CD109: variants seen among roughly 807,000 people sequenced by gnomAD.
CD109 encodes CD109 antigen.
Under a neutral mutation model 165.8 loss-of-function variants are expected in CD109, and 149 were observed. That is an observed-to-expected ratio of 0.90 (90% CI 0.79 to 1.03). The LOEUF (loss-of-function observed/expected upper bound fraction) is 1.03, where lower values mean the gene tolerates loss of function less well. CD109 is among the 50% of genes least tolerant of loss of function. CD109 has a pLI of 0.00. For missense variants in CD109, 1,712 were observed against 1,677.8 expected (o/e 1.02, Z -0.36); for synonymous variants, 585 against 592.1 (o/e 0.99, Z 0.18).
At chr6:73,773,955 C>A (rs1366196438) in intron 15 of CD109, among the ~76,000 whole-genome samples, 1 of 151,974 alleles carries the variant, frequency 6.6e-6, no homozygotes, top group Non-Finnish European at 1.5e-5. Flanking sequence ...CTGTGTTTCT[C>A]TGGGAGAGTT....
intron 5 of CD109, among the ~76,000 whole-genome samples, chr6:73,754,211 A>G (rs1467511212): frequency 1.3e-5 from 2 of 152,224 alleles, no homozygotes; most frequent in African/African-American, 2.4e-5. Context: ...TCAATCTGGG[A>G]TAGAGATAAG....
intron 20 of CD109, among the ~76,000 whole-genome samples, chr6:73,786,964 G>A (rs775036547): frequency 1.3e-5 from 2 of 152,188 alleles, no homozygotes; most frequent in Non-Finnish European, 2.9e-5. Flanking sequence ...AATGGCTTCA[G>A]ATAGTGAGAG....
the CD109 span, among the ~76,000 whole-genome samples, chr6:73,680,422 C>T: frequency 3.9e-5 from 6 of 152,032 alleles, no homozygotes; most frequent in South Asian, 2.1e-4. Flanking sequence ...AGAAATTGCC[C>T]CTAAGCCAAG....
chr6:73,771,589 T>C lies in CD109; in HGVS notation c.1827+8T>C, dbSNP rs1423548814. The C allele has an allele frequency of 1.3e-6, 2 of 1,529,442 alleles. No individual in the cohort carries two copies. The highest frequency in any genetic ancestry group is 2.2e-5 in the Admixed American group (1 of 45,516). The allele number at this position is 1,529,442 out of a possible 1,614,324, so 94.7% of individuals were successfully genotyped here. ...GATATTACAATGGAAAATGTGAGTT[T>C]AGCTATTTTTTCATTATGAAAATAT... On this transcript the variant is annotated splice_region_variant and intron_variant, in intron 15 of 32. Coordinates refer to ENST00000287097, the MANE Select transcript of CD109 (RefSeq NM_133493.5).
intron 23 of CD109, among the ~76,000 whole-genome samples, chr6:73,795,956 A>G (rs765891849): frequency 6.6e-6 from 1 of 152,200 alleles, no homozygotes; most frequent in Non-Finnish European, 1.5e-5. Context: ...GTAAGTGCAC[A>G]ACAAATATCA....
Position 73,792,774 on chromosome 6 carries a change from A to G in CD109, c.2850A>G (p.Lys950=), listed in dbSNP as rs756956176. 6 of 1,610,456 alleles carry G rather than the reference A, an allele frequency of 3.7e-6. No individual in the cohort carries two copies. Among genetic ancestry groups the G allele is most frequent in the Admixed American group, 1.7e-5 (1 of 59,498 alleles). ...TKKKQLTDNL[K]EKALSFMRQG... is the part of the protein sequence containing the mutation. ...AGAAACAACTGACAGATAATTTGAA[A>G]GAAAAAGCTCTTTCATTTATGAGGC... The change falls in exon 23 of 33, where the codon AAA becomes AAG. Residue 950 remains lysine (K), a synonymous_variant. Coordinates refer to ENST00000287097, the MANE Select transcript of CD109 (RefSeq NM_133493.5).
chr6:73,780,294 C>A (rs1390102063), intron 15 of CD109, 130 bp from the exon 16 acceptor site: 2 of 722,812 alleles, frequency 2.8e-6, no homozygotes, highest in Non-Finnish European at 5.0e-6. Flanking sequence ...ATTACATATT[C>A]ATTACTCCTC....
At chr6:73,754,683 T>G (rs1391520230) in intron 5 of CD109, among the ~76,000 whole-genome samples, 1 of 152,224 alleles carries the variant, frequency 6.6e-6, no homozygotes, top group South Asian at 2.1e-4. Context: ...TATTTTGTAC[T>G]AGGTGCTATA....
intron 5 of CD109, among the ~76,000 whole-genome samples, chr6:73,754,432 A>C (rs982023159): frequency 5.3e-5 from 8 of 152,172 alleles, no homozygotes; most frequent in Non-Finnish European, 8.8e-5. Context: ...GAGGGGAAGG[A>C]GACGGTCAAT....
intron 23 of CD109, 43 bp downstream of exon 23, chr6:73,792,845 T>C (rs1291265487): frequency 6.5e-7 from 1 of 1,536,760 alleles, no homozygotes; most frequent in African/African-American, 1.4e-5. Context: ...GAAAAAAATT[T>C]GTTTTTTTCA....
intron 20 of CD109, 63 bp from the exon 21 acceptor site, chr6:73,787,171 A>G: frequency 9.4e-7 from 1 of 1,060,326 alleles, no homozygotes; most frequent in Non-Finnish European, 1.4e-6. Flanking sequence ...AACTGGTGAT[A>G]AAAGAGCACT....
intron 17 of CD109, 97 bp from the exon 18 acceptor site, chr6:73,782,517 G>T: frequency 1.7e-6 from 2 of 1,184,582 alleles, no homozygotes; most frequent in Non-Finnish European, 2.4e-6. Context: ...TATGTCTCTG[G>T]ACACCTCAAG....
intron 1 of CD109, among the ~76,000 whole-genome samples, chr6:73,697,025 G>A (rs900379471): frequency 2.6e-5 from 4 of 152,126 alleles, no homozygotes; most frequent in African/African-American, 9.7e-5. Flanking sequence ...AAATAATCAC[G>A]CTGGGATAAG....
chr6:73,761,613 C>T (rs1380974662), intron 7 of CD109, among the ~76,000 whole-genome samples: 2 of 152,132 alleles, frequency 1.3e-5, no homozygotes, highest in African/African-American at 4.8e-5. Context: ...GCCTCCACCT[C>T]CTGGGTTCAA....
chr6:73,715,832 C>T (rs536278295), intron 2 of CD109, among the ~76,000 whole-genome samples: 30 of 152,216 alleles, frequency 2.0e-4, no homozygotes, highest in Non-Finnish European at 2.6e-4. Flanking sequence ...TGACTACAGT[C>T]CTCCTGTTGT....
intron 31 of CD109, 71 bp from the exon 32 acceptor site, chr6:73,820,390 A>C: frequency 1.3e-6 from 1 of 792,176 alleles, no homozygotes; most frequent in Non-Finnish European, 2.0e-6. Context: ...TGATGAGAAA[A>C]AAGAAATGTC....
chr6:73,694,925 G>A, upstream of CD109: 1 of 152,386 alleles, frequency 6.6e-6, no homozygotes. Context: ...CTAAAGATAG[G>A]CTGCCTGAAG....
intron 22 of CD109, among the ~76,000 whole-genome samples, chr6:73,791,192 CATATATATAT>C (rs58117133): frequency 5.8e-5 from 4 of 69,234 alleles, no homozygotes; most frequent in East Asian, 5.1e-4. Context: ...CACACACATA[CATATATATAT>C]ATATATATAT....
chr6:73,749,619 G>T (rs978308266), intron 5 of CD109, among the ~76,000 whole-genome samples: 5 of 152,186 alleles, frequency 3.3e-5, no homozygotes, highest in Admixed American at 1.3e-4. Flanking sequence ...AATCAGTGAT[G>T]CAAATTTCAA....
Sources: allele counts gnomAD v4.1 joint callset (sites outside exome capture counted in the v4.1 genomes callset), GRCh38; gene constraint gnomAD v4.1.1; transcripts MANE v1.5; gene names NCBI Gene and HGNC (gene_info 2026-07-23, HGNC 2026-07-21).